The following CFAP57 variants were observed in gnomAD, a reference collection of about 807,000 sequenced individuals.
CFAP57 encodes the protein cilia and flagella associated protein 57, also known as cilia- and flagella-associated protein 57.
A neutral mutation model predicts 146.8 loss-of-function variants in CFAP57; 116 were observed. The ratio of observed to expected loss-of-function variants is 0.79; its 90% CI spans 0.68 to 0.92. CFAP57 has a LOEUF of 0.92. CFAP57 is among the 40% of genes least tolerant of loss of function. CFAP57 has a pLI of 0.00. For missense variants in CFAP57, 1,377 were observed against 1,527.2 expected, an observed-to-expected ratio of 0.90 and a Z score of 1.64; for synonymous variants, 518 against 552.8, an observed-to-expected ratio of 0.94 and a Z score of 0.88.
chr1:43,232,296 C>G (rs951734462), intron 18 of CFAP57: 1 of 592,086 alleles, frequency 1.7e-6, no homozygotes, highest in African/African-American at 1.9e-5. Context: ...CGTGGAAACA[C>G]GTGATGCTGG....
chr1:43,249,436 T>G (rs1259174740), intron 22 of CFAP57, among the ~76,000 whole-genome samples: 2 of 121,378 alleles, frequency 1.6e-5, no homozygotes, highest in African/African-American at 3.2e-5. Flanking sequence ...TTTTTTTTTT[T>G]TTTTTTTTTT....
intron 7 of CFAP57, 33 bp from the exon 8 acceptor site, chr1:43,198,448 A>C: frequency 6.2e-7 from 1 of 1,610,192 alleles, no homozygotes; most frequent in Non-Finnish European, 8.5e-7. Context: ...TAGTGAGCTA[A>C]GCTTACAATT....
Position 43,253,968 on chromosome 1 carries a change from C to T in CFAP57, c.3539-9C>T, listed in dbSNP as rs1445525267. 6.5e-7 allele frequency: 1 copy of T among 1,550,260 alleles called. No homozygotes were observed. The highest frequency in any genetic ancestry group is 8.7e-7 in the Non-Finnish European group (1 of 1,146,708). Reference sequence around the variant, plus strand: ...GACAGGCCCACATGAGTCCTGTTGTCTCTTACAGAACCCAGCAGGGACATG... The same window carrying T: ...GACAGGCCCACATGAGTCCTGTTGTTTCTTACAGAACCCAGCAGGGACATG... On this transcript the variant is annotated splice_polypyrimidine_tract_variant and intron_variant, in intron 22 of 22. Transcript: ENST00000372492.
In CFAP57 at chr1:43,185,252, G is replaced by A; in HGVS notation, c.865G>A (p.Ala289Thr). The A allele has an allele frequency of 6.2e-7, 1 of 1,614,184 alleles. No homozygotes were observed. The highest frequency in any genetic ancestry group is 8.5e-7 in the Non-Finnish European group (1 of 1,180,030). The change falls in exon 5 of 23, where the codon GCA (alanine) becomes ACA (threonine). Residue 289 changes from alanine to threonine, a missense_variant. Ala to Thr is a moderately conservative substitution (Grantham distance 58). Coordinates refer to ENST00000372492, the MANE Select transcript of CFAP57 (RefSeq NM_001378189.1). ...QMSMPQVFAI[A>T]AYSKGFACSA... ...GTCCATGCCCCAGGTGTTTGCCATT[G>A]CAGCCTATTCAAAGGGATTTGCCTG... is the stretch of plus-strand genomic sequence containing the variant.
chr1:43,206,113 A>G (rs1644346074), intron 9 of CFAP57, among the ~76,000 whole-genome samples: 1 of 152,020 alleles, frequency 6.6e-6, no homozygotes, highest in Non-Finnish European at 1.5e-5. Context: ...GGCACATGCC[A>G]CCATGCCCAG....
chr1:43,248,164 T>C (rs1046972485), intron 22 of CFAP57, among the ~76,000 whole-genome samples: 1 of 148,992 alleles, frequency 6.7e-6, no homozygotes, highest in East Asian at 1.9e-4. Flanking sequence ...AAAAAAACAG[T>C]TATTTTGCTC....
intron 5 of CFAP57, 43 bp from the exon 6 acceptor site, chr1:43,186,664 C>T: frequency 1.9e-6 from 3 of 1,563,504 alleles, no homozygotes; most frequent in Non-Finnish European, 1.8e-6. Context: ...GCCACAATGA[C>T]AACGTGGGGA....
At chr1:43,185,035 G>C in intron 4 of CFAP57, 114 bp from the exon 5 acceptor site, 1 of 1,128,448 alleles carries the variant, frequency 8.9e-7, no homozygotes. Flanking sequence ...TGGAAAAGGG[G>C]ATCATTGGGT....
In CFAP57 at chr1:43,251,899, G is replaced by C. The variant is rs77720658; in HGVS notation, c.3539-2078G>C. 9.6e-3 allele frequency among the ~76,000 whole-genome samples: 1,465 copies of C among 152,294 alleles called. 25 individuals carry two copies. Among genetic ancestry groups the C allele is most frequent in the African/African-American group, 0.034 (1,411 of 41,556 alleles). On this transcript the variant is annotated intron_variant, in intron 22 of 22. Transcript: ENST00000372492. ...CAACGTAAGTACATTAATCAAAGCA[G>C]AGTATGGAAGTAGATATAAAGGAAT...
intron 2 of CFAP57, among the ~76,000 whole-genome samples, chr1:43,181,312 T>C (rs1340229995): frequency 6.6e-6 from 1 of 152,168 alleles, no homozygotes; most frequent in Admixed American, 6.5e-5. Context: ...TTTCAAGTCA[T>C]CTGCCCACCT....
intron 2 of CFAP57, among the ~76,000 whole-genome samples, 170 bp from the exon 3 acceptor site, chr1:43,181,364 A>G (rs616045): frequency 0.19 from 28,742 of 151,900 alleles, 4,036 homozygotes; most frequent in African/African-American, 0.38. Flanking sequence ...GAGCCACCAC[A>G]CCTGGCCCCT....
At chr1:43,214,703 A>G (rs1644768302) in intron 11 of CFAP57, among the ~76,000 whole-genome samples, 1 of 151,878 alleles carries the variant, frequency 6.6e-6, no homozygotes, top group Admixed American at 6.6e-5. Flanking sequence ...CTGCCAAGCT[A>G]TTTTCCAGAG....
At chr1:43,175,162 G>A (rs974664369) in intron 2 of CFAP57, among the ~76,000 whole-genome samples, 2 of 151,858 alleles carry the variant, frequency 1.3e-5, no homozygotes, top group Non-Finnish European at 2.9e-5. Context: ...TATCAGCATC[G>A]TCTTTCTGTA....
At chr1:43,178,505 A>C (rs1243728464) in intron 2 of CFAP57, among the ~76,000 whole-genome samples, 1 of 152,264 alleles carries the variant, frequency 6.6e-6, no homozygotes, top group East Asian at 1.9e-4. Context: ...AAAAGAAGAC[A>C]TTTATGCAGC....
intron 12 of CFAP57, among the ~76,000 whole-genome samples, chr1:43,218,254 G>T (rs1644912530): frequency 6.6e-6 from 1 of 152,126 alleles, no homozygotes; most frequent in Non-Finnish European, 1.5e-5. Context: ...GGAAATGAAG[G>T]GTGTGTGTAT....
chr1:43,219,875 T>C (rs1226962639), intron 13 of CFAP57, among the ~76,000 whole-genome samples: 1 of 152,044 alleles, frequency 6.6e-6, no homozygotes, highest in Non-Finnish European at 1.5e-5. Context: ...ATGAGAATCA[T>C]CTGAACCTGG....
Position 43,181,667 on chromosome 1 carries a change from CA to C in CFAP57, c.294del (p.Val99PhefsTer45). 6.2e-7 allele frequency: 1 copy of C among 1,614,182 alleles called. No homozygotes were observed. Among genetic ancestry groups the C allele is most frequent in the Non-Finnish European group, 8.5e-7 (1 of 1,180,038 alleles). On this transcript the variant is annotated frameshift_variant, in exon 3 of 23. Coordinates refer to ENST00000372492, the MANE Select transcript of CFAP57 (RefSeq NM_001378189.1). LOFTEE classifies it high-confidence loss of function. Reference sequence around the variant, plus strand: ...TGTCATCCATCCCTTGCCGGAAGCGCAAAGTTCTTAATAATTTTGACTTCCA... The same window carrying C: ...TGTCATCCATCCCTTGCCGGAAGCGCAAGTTCTTAATAATTTTGACTTCCA... The part of the protein sequence containing the change: ...ELSSIPCRKR[K>X]VLNNFDFQVQ...
rs75528102 is a variant in CFAP57 at position 43,183,665 on chromosome 1, T to C, written c.549T>C (p.Ala183=). ...GNGMFKLLRF[A]EGTLKQTSFQ... ...GGATGTTTAAGCTTCTCCGTTTTGC[T>C]GAGGGAACCCTGAAGCAAACCAGCT... Residue 183 remains alanine, a synonymous_variant, in exon 4 of 23, where the codon GCT becomes GCC. Transcript: ENST00000372492. 0.067 allele frequency: 107,795 copies of C among 1,614,116 alleles called. 5,995 individuals are homozygous for C. The highest frequency in any genetic ancestry group is 0.26 in the East Asian group (11,712 of 44,866).
At chr1:43,228,394 C>CCAGAGGTCCCCTGGGGGGTGCAAAATGCT (rs1484748162) in intron 18 of CFAP57, among the ~76,000 whole-genome samples, 24 of 150,426 alleles carry the variant, frequency 1.6e-4, no homozygotes, top group South Asian at 8.6e-4. Flanking sequence ...ACAAAATAGG[C>CCAGAGGTCCCCTGGGGGGTGCAAAATGCT]TTCTGCTCCC....
Sources: allele counts gnomAD v4.1 joint callset (sites outside exome capture counted in the v4.1 genomes callset), GRCh38; gene constraint gnomAD v4.1.1; transcripts MANE v1.5; gene names NCBI Gene and HGNC (gene_info 2026-07-23, HGNC 2026-07-21).